Variants in CDK14 observed in about 807,000 individuals in gnomAD.
CDK14 encodes the protein cyclin dependent kinase 14, also known as cyclin-dependent kinase 14.
In CDK14, 34 loss-of-function variants were observed where a neutral mutation model predicts 60.7. The observed-to-expected ratio is 0.56, with a 90% CI of 0.43 to 0.75. The LOEUF is 0.75. CDK14 is among the 30% of genes least tolerant of loss of function. CDK14 has a pLI of 0.00. For synonymous variants in CDK14, 197 were observed against 203.7 expected (o/e 0.97, Z 0.28); for missense variants, 482 against 564.1 (o/e 0.85, Z 1.47).
chr7:90,724,841 A>T (rs901753116), intron 2 of CDK14, among the ~76,000 whole-genome samples: 1 of 151,744 alleles, frequency 6.6e-6, no homozygotes, highest in East Asian at 1.9e-4. Context: ...TGCTTTAGTG[A>T]TGTGGGTGGT....
At chr7:90,979,491 A>C (rs1407227316) in intron 9 of CDK14, 1 of 152,240 alleles carries the variant, frequency 6.6e-6, no homozygotes, top group Non-Finnish European at 1.5e-5. Flanking sequence ...ATGTCCTCTC[A>C]TGCTCAAGGA....
At chr7:90,934,150 T>C (rs1584140383) in intron 8 of CDK14, among the ~76,000 whole-genome samples, 2 of 152,322 alleles carry the variant, frequency 1.3e-5, no homozygotes, top group East Asian at 3.9e-4. Flanking sequence ...CCTTGGGGCG[T>C]GAGAGCAGTG....
At chr7:91,130,497 C>G (rs1800083255) in intron 14 of CDK14, among the ~76,000 whole-genome samples, 1 of 152,098 alleles carries the variant, frequency 6.6e-6, no homozygotes, top group Admixed American at 6.6e-5. Context: ...AGAAACACTG[C>G]TCTATTTCAC....
intron 2 of CDK14, among the ~76,000 whole-genome samples, chr7:90,622,452 G>T (rs945528877): frequency 6.6e-6 from 1 of 152,174 alleles, no homozygotes; most frequent in African/African-American, 2.4e-5. Context: ...CTAACGCGGT[G>T]ATCTTTCTCT....
chr7:91,191,000 T>C (rs1802344543), intron 14 of CDK14, among the ~76,000 whole-genome samples: 2 of 152,104 alleles, frequency 1.3e-5, no homozygotes, highest in Non-Finnish European at 2.9e-5. Flanking sequence ...CCCCACACTT[T>C]CAGATTTGAG....
At chr7:91,168,257 T>C (rs1801409173) in intron 14 of CDK14, among the ~76,000 whole-genome samples, 1 of 96,382 alleles carries the variant, frequency 1.0e-5, no homozygotes, top group Admixed American at 1.1e-4. Flanking sequence ...TGAGACTCTG[T>C]CTCAAAAAAA....
intron 14 of CDK14, among the ~76,000 whole-genome samples, chr7:91,177,013 G>A (rs990027159): frequency 8.0e-5 from 12 of 150,034 alleles, no homozygotes; most frequent in African/African-American, 2.4e-4. Context: ...CCAAAAAAGA[G>A]AATTTTAGAC....
At chr7:90,679,270 G>A (rs1801266434) in intron 2 of CDK14, among the ~76,000 whole-genome samples, 1 of 152,134 alleles carries the variant, frequency 6.6e-6, no homozygotes, top group South Asian at 2.1e-4. Flanking sequence ...CTTAAATCTA[G>A]CTCAGAGATA....
chr7:90,915,238 C>T (rs1161138546), intron 7 of CDK14, among the ~76,000 whole-genome samples: 1 of 152,120 alleles, frequency 6.6e-6, no homozygotes, highest in African/African-American at 2.4e-5. Flanking sequence ...AGATCAAGAC[C>T]ATCCTGGCTA....
intron 10 of CDK14, among the ~76,000 whole-genome samples, chr7:91,036,579 C>A (rs181897442): frequency 2.0e-5 from 3 of 151,966 alleles, no homozygotes; most frequent in African/African-American, 7.2e-5. Context: ...CCTCTTCCTC[C>A]TCCTCAGCCT....
intron 6 of CDK14, 92 bp from the exon 7 acceptor site, chr7:90,899,199 C>A: frequency 9.9e-7 from 1 of 1,006,566 alleles, no homozygotes; most frequent in Non-Finnish European, 1.4e-6. Flanking sequence ...TTGCTCTGTT[C>A]AGAAGGTAAT....
intron 2 of CDK14, among the ~76,000 whole-genome samples, chr7:90,718,642 A>G (rs1287277276): frequency 1.3e-5 from 2 of 152,140 alleles, no homozygotes; most frequent in Admixed American, 6.6e-5. Context: ...TAAGTAAAAA[A>G]CACATTCTTG....
At chr7:90,681,457 G>T (rs560195299) in intron 2 of CDK14, among the ~76,000 whole-genome samples, 2 of 152,180 alleles carry the variant, frequency 1.3e-5, no homozygotes, top group South Asian at 4.2e-4. Flanking sequence ...TGGGATGAAC[G>T]GGTCCTTTAC....
intron 5 of CDK14, among the ~76,000 whole-genome samples, chr7:90,858,675 C>T (rs1000871403): frequency 6.6e-6 from 1 of 152,112 alleles, no homozygotes; most frequent in East Asian, 1.9e-4. Context: ...ATGTACCATA[C>T]CTTGCCATCA....
At chr7:91,152,819 T>G (rs1039943374) in intron 14 of CDK14, among the ~76,000 whole-genome samples, 13 of 152,198 alleles carry the variant, frequency 8.5e-5, no homozygotes, top group Non-Finnish European at 1.9e-4. Context: ...AGCACATAAA[T>G]GTGGGAAGCA....
intron 4 of CDK14, among the ~76,000 whole-genome samples, chr7:90,766,743 A>G (rs1804579681): frequency 6.6e-6 from 1 of 152,178 alleles, no homozygotes; most frequent in Non-Finnish European, 1.5e-5. Context: ...AGATGGGCAG[A>G]TAGCTGAAAG....
At chr7:90,857,113 T>TG (rs1395945812) in intron 5 of CDK14, among the ~76,000 whole-genome samples, 2 of 132,636 alleles carry the variant, frequency 1.5e-5, no homozygotes, top group East Asian at 1.9e-4. Context: ...ACAATGGTTT[T>TG]GGAAAAAAAA....
intron 5 of CDK14, among the ~76,000 whole-genome samples, chr7:90,810,969 A>T (rs531187832): frequency 1.6e-3 from 237 of 152,312 alleles, no homozygotes; most frequent in Non-Finnish European, 1.4e-3. Flanking sequence ...ATAAAAGAGG[A>T]TACAAACAAA....
chr7:90,740,394 C>T (rs1184260991), intron 3 of CDK14, among the ~76,000 whole-genome samples: 1 of 151,690 alleles, frequency 6.6e-6, no homozygotes, highest in African/African-American at 2.4e-5. Flanking sequence ...AGAATGTAAC[C>T]GTGTTTGAAG....
Sources: allele counts gnomAD v4.1 joint callset (sites outside exome capture counted in the v4.1 genomes callset), GRCh38; gene constraint gnomAD v4.1.1; transcripts MANE v1.5; gene names NCBI Gene and HGNC (gene_info 2026-07-23, HGNC 2026-07-21).